CHODL: variants seen among roughly 807,000 people sequenced by gnomAD.
CHODL encodes the protein transmembrane protein MT75.
A neutral mutation model predicts 34.5 loss-of-function variants in CHODL; 29 were observed. That is an observed-to-expected ratio of 0.84 (90% CI 0.63 to 1.15). CHODL has a LOEUF of 1.15. Ranked by LOEUF, CHODL falls within the 50% of genes most tolerant of loss-of-function variation. The pLI, the probability that CHODL is intolerant of heterozygous loss-of-function variation, is 0.00. For synonymous variants in CHODL, 125 were observed against 116.1 expected (o/e 1.08, Z -0.49); for missense variants, 332 against 332.5 (o/e 1.00, Z 0.01).
At chr21:18,112,551 T>A (rs2065363596) in intron 2 of CHODL, among the ~76,000 whole-genome samples, 1 of 152,124 alleles carries the variant, frequency 6.6e-6, no homozygotes, top group Non-Finnish European at 1.5e-5. Context: ...AGCATGCTGC[T>A]GGCATAAAAA....
chr21:18,227,976 A>C (rs559908306), intron 2 of CHODL, among the ~76,000 whole-genome samples: 1 of 152,268 alleles, frequency 6.6e-6, no homozygotes, highest in East Asian at 1.9e-4. Context: ...ACTAACAATA[A>C]TAAGTTGGCT....
intron 2 of CHODL, among the ~76,000 whole-genome samples, chr21:18,163,008 T>TATG (rs1186198055): frequency 6.6e-6 from 1 of 152,218 alleles, no homozygotes; most frequent in African/African-American, 2.4e-5. Flanking sequence ...TCTATGTGTC[T>TATG]ATGTCTACAT....
chr21:18,180,289 AC>A (rs1404158965), intron 2 of CHODL, among the ~76,000 whole-genome samples: 1 of 152,092 alleles, frequency 6.6e-6, no homozygotes, highest in Non-Finnish European at 1.5e-5. Flanking sequence ...AGTAGCTGGG[AC>A]CACAGGCACG....
intron 2 of CHODL, among the ~76,000 whole-genome samples, chr21:18,121,847 G>C (rs879503645): frequency 6.6e-6 from 1 of 151,980 alleles, no homozygotes; most frequent in Non-Finnish European, 1.5e-5. Context: ...CTATCTTTAC[G>C]TCATCAACTA....
intron 2 of CHODL, among the ~76,000 whole-genome samples, chr21:18,110,388 G>C (rs938478496): frequency 1.3e-5 from 2 of 152,152 alleles, no homozygotes; most frequent in Admixed American, 1.3e-4. Context: ...GTCACCAACA[G>C]AATGCAGCAA....
At chr21:18,155,295 G>A (rs1003232649) in intron 2 of CHODL, among the ~76,000 whole-genome samples, 1 of 152,100 alleles carries the variant, frequency 6.6e-6, no homozygotes, top group African/African-American at 2.4e-5. Flanking sequence ...AGTCCCCAAC[G>A]TTGCCAAGCC....
intron 2 of CHODL, among the ~76,000 whole-genome samples, chr21:18,149,814 A>G (rs1046123922): frequency 6.6e-5 from 10 of 152,180 alleles, no homozygotes; most frequent in Non-Finnish European, 1.3e-4. Flanking sequence ...TACTATAGCA[A>G]ACTACCGTAG....
chr21:17,982,433 C>T (rs1317911021), intron 1 of CHODL, among the ~76,000 whole-genome samples: 1 of 151,892 alleles, frequency 6.6e-6, no homozygotes, highest in Non-Finnish European at 1.5e-5. Flanking sequence ...GCTTTGGGCA[C>T]GAACAATATA....
At chr21:17,939,599 T>A (rs1037431632) in intron 1 of CHODL, among the ~76,000 whole-genome samples, 2 of 152,238 alleles carry the variant, frequency 1.3e-5, no homozygotes, top group African/African-American at 4.8e-5. Flanking sequence ...AGTCTGAGAA[T>A]GGGCATTTCT....
At chr21:18,216,508 C>T (rs558588512) in intron 2 of CHODL, among the ~76,000 whole-genome samples, 1 of 152,266 alleles carries the variant, frequency 6.6e-6, no homozygotes, top group South Asian at 2.1e-4. Context: ...TTTTTAGCTT[C>T]CAAATGTGAG....
At chr21:18,213,816 A>G (rs573854648) in intron 2 of CHODL, among the ~76,000 whole-genome samples, 1 of 152,214 alleles carries the variant, frequency 6.6e-6, no homozygotes, top group African/African-American at 2.4e-5. Flanking sequence ...GAGACCAGCA[A>G]ATAGGAAATG....
chr21:18,231,162 A>G (rs2073974875), intron 2 of CHODL, among the ~76,000 whole-genome samples: 1 of 152,130 alleles, frequency 6.6e-6, no homozygotes, highest in Admixed American at 6.6e-5. Flanking sequence ...TTTTAAGTTG[A>G]AGAAAGAACT....
upstream of CHODL, among the ~76,000 whole-genome samples, chr21:18,242,499 A>T (rs763333584): frequency 3.3e-5 from 5 of 151,168 alleles, no homozygotes; most frequent in Admixed American, 6.6e-5. Context: ...TAACACTCAG[A>T]TTTTATATTT....
intron 5 of CHODL, among the ~76,000 whole-genome samples, chr21:18,265,125 C>T (rs113036139): frequency 1.3e-3 from 201 of 150,880 alleles, no homozygotes; most frequent in Non-Finnish European, 2.5e-3. Flanking sequence ...GGTGTGGAAC[C>T]AACCCAAATG....
At chr21:18,069,086 T>G (rs1003432468) in intron 2 of CHODL, among the ~76,000 whole-genome samples, 3 of 152,198 alleles carry the variant, frequency 2.0e-5, no homozygotes, top group African/African-American at 7.2e-5. Context: ...ATCTCAATTT[T>G]ATTAGTAAAA....
intron 2 of CHODL, among the ~76,000 whole-genome samples, chr21:18,071,237 T>G (rs1157707361): frequency 1.3e-5 from 2 of 151,222 alleles, no homozygotes; most frequent in African/African-American, 4.9e-5. Context: ...ACCTCTGCTT[T>G]CCGGGTTCAA....
At chr21:18,003,160 G>T (rs2063927201) in intron 1 of CHODL, among the ~76,000 whole-genome samples, 1 of 150,210 alleles carries the variant, frequency 6.7e-6, no homozygotes, top group Non-Finnish European at 1.5e-5. Context: ...AAGAGCCCTG[G>T]AGGCGTTCAA....
chr21:18,158,751 T>A (rs568339662), intron 2 of CHODL, among the ~76,000 whole-genome samples: 260 of 149,718 alleles, frequency 1.7e-3, no homozygotes, highest in African/African-American at 6.2e-3. Flanking sequence ...GGCAGGAAAA[T>A]CGCTTGAACC....
intron 2 of CHODL, among the ~76,000 whole-genome samples, chr21:18,194,389 C>T (rs2073556261): frequency 6.6e-6 from 1 of 152,114 alleles, no homozygotes; most frequent in African/African-American, 2.4e-5. Flanking sequence ...GCCCCCTTGC[C>T]CTTTCTGTTC....
Sources: allele counts gnomAD v4.1 joint callset (sites outside exome capture counted in the v4.1 genomes callset), GRCh38; gene constraint gnomAD v4.1.1; transcripts MANE v1.5; gene names NCBI Gene and HGNC (gene_info 2026-07-23, HGNC 2026-07-21).